The following EFCAB6 variants were observed in gnomAD, a reference collection of about 807,000 sequenced individuals.
The protein encoded by EFCAB6 is EF-hand calcium-binding domain-containing protein 6.
A neutral mutation model predicts 169.8 loss-of-function variants in EFCAB6; 156 were observed. The ratio of observed to expected loss-of-function variants is 0.92; its 90% CI spans 0.81 to 1.05. The LOEUF (loss-of-function observed/expected upper bound fraction) is 1.05, where lower values mean the gene tolerates loss of function less well. Ranked by LOEUF, EFCAB6 falls within the 50% of genes least tolerant of loss-of-function variation. EFCAB6 has a pLI of 0.00. For missense variants in EFCAB6, 1,800 were observed against 1,829.1 expected (o/e 0.98, Z 0.29); for synonymous variants, 698 against 676.4 (o/e 1.03, Z -0.50).
chr22:43,751,510 C>T (rs1169306000), intron 6 of EFCAB6, among the ~76,000 whole-genome samples: 2 of 152,232 alleles, frequency 1.3e-5, no homozygotes, highest in Non-Finnish European at 2.9e-5. Flanking sequence ...TGTCTGAGGT[C>T]TCGGGCGCTG....
chr22:43,591,329 C>T (rs1404215229), intron 23 of EFCAB6, among the ~76,000 whole-genome samples: 1 of 151,366 alleles, frequency 6.6e-6, no homozygotes, highest in Non-Finnish European at 1.5e-5. Context: ...TGGCGGTGGG[C>T]ACCTGTAATC....
At chr22:43,710,440 A>G (rs979485020) in intron 10 of EFCAB6, among the ~76,000 whole-genome samples, 1 of 152,376 alleles carries the variant, frequency 6.6e-6, no homozygotes, top group Middle Eastern at 3.4e-3. Flanking sequence ...ATCATTATTA[A>G]GAAAAAATCA....
At chr22:43,707,592 T>C (rs1415837034) in intron 10 of EFCAB6, among the ~76,000 whole-genome samples, 1 of 152,146 alleles carries the variant, frequency 6.6e-6, no homozygotes, top group Non-Finnish European at 1.5e-5. Context: ...CAGAAGACCG[T>C]GAAGAGTACC....
intron 8 of EFCAB6, among the ~76,000 whole-genome samples, chr22:43,725,881 A>G (rs982915058): frequency 1.3e-5 from 2 of 152,340 alleles, no homozygotes; most frequent in Non-Finnish European, 2.9e-5. Context: ...TTTCAATGAT[A>G]AAAGTTATAG....
At chr22:43,641,385 G>A (rs2055787918) in intron 17 of EFCAB6, among the ~76,000 whole-genome samples, 1 of 152,204 alleles carries the variant, frequency 6.6e-6, no homozygotes, top group East Asian at 1.9e-4. Context: ...GGAGGCTGAG[G>A]CGGGTGGATT....
chr22:43,695,852 T>A (rs77043014), intron 10 of EFCAB6, among the ~76,000 whole-genome samples: 2,069 of 152,196 alleles, frequency 0.014, 55 homozygotes, highest in African/African-American at 0.048. Context: ...AAAGCTAAAA[T>A]GACTAAACTT....
At chr22:43,776,288 T>A (rs2061637155) in intron 3 of EFCAB6, among the ~76,000 whole-genome samples, 1 of 152,164 alleles carries the variant, frequency 6.6e-6, no homozygotes, top group Non-Finnish European at 1.5e-5. Flanking sequence ...TGGAATTGAT[T>A]CATTCGAAAA....
intron 20 of EFCAB6, among the ~76,000 whole-genome samples, chr22:43,618,531 A>G (rs1279057534): frequency 6.6e-6 from 1 of 152,220 alleles, no homozygotes; most frequent in Non-Finnish European, 1.5e-5. Flanking sequence ...AGGCTGATGG[A>G]GGGAGAAATC....
intron 20 of EFCAB6, among the ~76,000 whole-genome samples, chr22:43,620,328 A>AAAAAG (rs561220541): frequency 6.8e-4 from 103 of 151,934 alleles, no homozygotes; most frequent in African/African-American, 2.3e-3. Flanking sequence ...AAAGAAAAGA[A>AAAAAG]AAAAGAAAAG....
intron 10 of EFCAB6, among the ~76,000 whole-genome samples, chr22:43,689,260 G>C (rs1377273135): frequency 1.3e-5 from 2 of 152,012 alleles, no homozygotes; most frequent in Non-Finnish European, 2.9e-5. Flanking sequence ...TGCTCTATCA[G>C]AGTCATCAGG....
rs949494995 is a variant in EFCAB6 at position 43,661,942 on chromosome 22, A to T, written c.1983+5162T>A. On this transcript the variant is annotated intron_variant, in intron 17 of 31. Coordinates refer to ENST00000262726, the MANE Select transcript of EFCAB6 (RefSeq NM_022785.4). ...GACCAGCCTGACCAATATGGTGAAA[A>T]CCAGTCTCTACTAAAAATACAAAAA... Among the ~76,000 whole-genome samples the T allele has an allele frequency of 2.0e-5, 3 of 152,114 alleles. No individual in the cohort carries two copies. The South Asian group carries it at 6.2e-4, about 32-fold the overall frequency.
chr22:43,683,726 A>G, intron 12 of EFCAB6, 21 bp downstream of exon 12: 1 of 1,529,134 alleles, frequency 6.5e-7, no homozygotes, highest in Non-Finnish European at 9.1e-7. Flanking sequence ...GTTTCACAAG[A>G]GAAGGCTTTC....
intron 10 of EFCAB6, among the ~76,000 whole-genome samples, chr22:43,703,255 A>G (rs1603249854): frequency 6.6e-6 from 1 of 152,232 alleles, no homozygotes; most frequent in South Asian, 2.1e-4. Context: ...CAGAGCCAAC[A>G]CAGTAGCCCA....
chr22:43,693,503 C>T (rs902534492), intron 10 of EFCAB6, among the ~76,000 whole-genome samples: 6 of 148,512 alleles, frequency 4.0e-5, no homozygotes, highest in African/African-American at 1.2e-4. Flanking sequence ...ACTAAGGACA[C>T]GTGATGATTA....
At chr22:43,731,209 C>G (rs982754371) in intron 8 of EFCAB6, among the ~76,000 whole-genome samples, 1 of 152,164 alleles carries the variant, frequency 6.6e-6, no homozygotes. Flanking sequence ...CGAGGAAACA[C>G]GTTCTGTCTC....
At chr22:43,652,818 G>GA (rs61363072) in intron 17 of EFCAB6, among the ~76,000 whole-genome samples, 20 of 147,216 alleles carry the variant, frequency 1.4e-4, no homozygotes, top group Non-Finnish European at 1.7e-4. Flanking sequence ...GGAAATACCA[G>GA]AAAAAAAAAA....
In EFCAB6 at chr22:43,576,484, A is replaced by G; in HGVS notation, c.3233T>C (p.Phe1078Ser). The change falls in exon 26 of 32, where the codon TTT becomes TCT. Residue 1078 changes from phenylalanine (F) to serine (S), a missense_variant. Phe to Ser is a radical substitution (Grantham distance 155). Coordinates refer to ENST00000262726, the MANE Select transcript of EFCAB6 (RefSeq NM_022785.4). ...ESSQLALSTA[F>S]SALDKEDTGF... ...TGTATCCTCTTTATCCAATGCAGAAAATGCCTAAAAAGAAAGAAAAGAAAA... is the reference window on the plus strand; with the variant it reads ...TGTATCCTCTTTATCCAATGCAGAAGATGCCTAAAAAGAAAGAAAAGAAAA... The G allele has an allele frequency of 6.5e-6, 10 of 1,526,840 alleles. No homozygotes were observed. Among genetic ancestry groups the G allele is most frequent in the Non-Finnish European group, 8.7e-6 (10 of 1,145,464 alleles). 94.6% of individuals were successfully genotyped at this position (1,526,840 alleles called of 1,614,324 possible).
At chr22:43,606,575 G>A (rs2147603850) in intron 22 of EFCAB6, among the ~76,000 whole-genome samples, 1 of 152,298 alleles carries the variant, frequency 6.6e-6, no homozygotes, top group South Asian at 2.1e-4. Context: ...AGGAGTATAT[G>A]GCACAGAGAA....
intron 6 of EFCAB6, among the ~76,000 whole-genome samples, chr22:43,737,594 ATCAC>A (rs2060193816): frequency 7.0e-6 from 1 of 143,818 alleles, no homozygotes; most frequent in Non-Finnish European, 1.5e-5. Context: ...CACATACACC[ATCAC>A]TCACACACAT....
Sources: gnomAD v4.1 joint callset for allele counts (sites outside exome capture counted in the v4.1 genomes callset) on GRCh38, gnomAD v4.1.1 for gene constraint, MANE v1.5 for transcripts, NCBI Gene and HGNC (gene_info 2026-07-23, HGNC 2026-07-21) for gene names.